INSL6: variants seen among roughly 807,000 people sequenced by gnomAD.
INSL6 encodes the protein insulin like 6.
In INSL6, 16 loss-of-function variants were observed where a neutral mutation model predicts 9.4. That is an observed-to-expected ratio of 1.70 (90% CI 1.15 to 2.59). INSL6 has a LOEUF of 2.59. Ranked by LOEUF, INSL6 falls within the 30% of genes most tolerant of loss-of-function variation. The pLI is 0.00. For synonymous variants in INSL6, 154 were observed against 96.9 expected, an observed-to-expected ratio of 1.59 and a Z score of -3.46; for missense variants, 391 against 257.3, an observed-to-expected ratio of 1.52 and a Z score of -3.56.
At chr9:5,175,181 C>T (rs1212274944) in intron 1 of INSL6, among the ~76,000 whole-genome samples, 1 of 152,080 alleles carries the variant, frequency 6.6e-6, no homozygotes, top group Non-Finnish European at 1.5e-5. Flanking sequence ...ACCTCATGAT[C>T]CACCTGCCTC....
chr9:5,117,669 AAATT>A, the INSL6 span, among the ~76,000 whole-genome samples: 14 of 139,478 alleles, frequency 1.0e-4, no homozygotes, highest in South Asian at 1.1e-3. Context: ...TATCTTAAAT[AAATT>A]AATAAATATT....
In INSL6 at chr9:5,164,992, G is replaced by A. The variant is rs370980912; in HGVS notation, c.290-727C>T. Among the ~76,000 whole-genome samples the A allele has an allele frequency of 4.1e-3, 618 of 152,314 alleles. 3 individuals carry two copies. Among genetic ancestry groups the A allele is most frequent in the African/African-American group, 0.014 (593 of 41,574 alleles). On this transcript the variant is annotated intron_variant, in intron 1 of 1. Coordinates refer to ENST00000381641, the MANE Select transcript of INSL6 (RefSeq NM_007179.3). ...GGAGGCCGAGGCGGGCGGATCACTT[G>A]AGGTCAGGAGTTCAATACCAGCTTC...
chr9:5,166,702 T>C (rs937622163), intron 1 of INSL6, among the ~76,000 whole-genome samples: 4 of 152,104 alleles, frequency 2.6e-5, no homozygotes, highest in Non-Finnish European at 4.4e-5. Flanking sequence ...AACACAGATA[T>C]GGGTGGTTCC....
intron 2 of INSL6, among the ~76,000 whole-genome samples, chr9:5,151,420 T>C (rs1190196579): frequency 6.6e-6 from 1 of 151,966 alleles, no homozygotes; most frequent in Non-Finnish European, 1.5e-5. Flanking sequence ...AGACAATTGA[T>C]TAAAACAAAG....
downstream of INSL6, among the ~76,000 whole-genome samples, chr9:5,122,150 A>G (rs554203438): frequency 6.6e-6 from 1 of 152,228 alleles, no homozygotes; most frequent in Admixed American, 6.5e-5. Flanking sequence ...TGGGATTTTG[A>G]AGGAGAGATT....
chr9:5,116,972 T>A, the INSL6 span, among the ~76,000 whole-genome samples: 1 of 152,194 alleles, frequency 6.6e-6, no homozygotes, highest in Non-Finnish European at 1.5e-5. Flanking sequence ...ATTTCAACGA[T>A]TGGTTGAATT....
At chr9:5,089,537 CAAAAAAAA>C in the INSL6 span, 1,302 of 87,028 alleles carry the variant, frequency 0.015, 16 homozygotes, top group Admixed American at 0.025. Context: ...GACTTCGTCT[CAAAAAAAA>C]AAAAAAAAAA....
chr9:5,015,840 T>G, the INSL6 span, among the ~76,000 whole-genome samples: 3 of 152,220 alleles, frequency 2.0e-5, no homozygotes, highest in African/African-American at 7.2e-5. Context: ...GGCAGTGTGA[T>G]TTCCAGTTAC....
At chr9:5,076,660 A>G in the INSL6 span, among the ~76,000 whole-genome samples, 1 of 152,194 alleles carries the variant, frequency 6.6e-6, no homozygotes, top group African/African-American at 2.4e-5. Context: ...CAAACTGGTA[A>G]TATCTTCGAG....
chr9:5,034,280 A>C, the INSL6 span, among the ~76,000 whole-genome samples: 1 of 152,182 alleles, frequency 6.6e-6, no homozygotes, highest in African/African-American at 2.4e-5. Context: ...AGACTTCCAC[A>C]CAATAATAAT....
At chr9:5,038,574 C>G in the INSL6 span, among the ~76,000 whole-genome samples, 1 of 148,348 alleles carries the variant, frequency 6.7e-6, no homozygotes, top group African/African-American at 2.5e-5. Flanking sequence ...ATGCTTGGGA[C>G]CAGAAGTGTT....
At chr9:5,107,920 A>G in the INSL6 span, 1 of 152,188 alleles carries the variant, frequency 6.6e-6, no homozygotes, top group African/African-American at 2.4e-5. Context: ...ATCTAAATTT[A>G]CTTCAGTGCT....
chr9:5,031,476 G>A, the INSL6 span, among the ~76,000 whole-genome samples: 1 of 152,158 alleles, frequency 6.6e-6, no homozygotes, highest in Non-Finnish European at 1.5e-5. Flanking sequence ...GGAAGGGAGA[G>A]ATTAGTCAAC....
At chr9:5,089,242 T>C in the INSL6 span, among the ~76,000 whole-genome samples, 1 of 152,122 alleles carries the variant, frequency 6.6e-6, no homozygotes, top group African/African-American at 2.4e-5. Context: ...TAATATAAGC[T>C]TAAAGATAGT....
At chr9:5,002,231 T>C in the INSL6 span, among the ~76,000 whole-genome samples, 1 of 151,924 alleles carries the variant, frequency 6.6e-6, no homozygotes, top group African/African-American at 2.4e-5. Flanking sequence ...CCTAGGAAGC[T>C]TACATAATTA....
Position 5,163,999 on chromosome 9 carries a change from CT to C in INSL6, c.555del (p.Glu186LysfsTer16). The C allele has an allele frequency of 1.2e-6, 2 of 1,613,154 alleles. No individual in the cohort carries two copies. The highest frequency in any genetic ancestry group is 1.7e-6 in the Non-Finnish European group (2 of 1,179,784). Reference sequence around the variant, plus strand: ...GGAAGACATGCAATGCTAAGTTCTTCTTTTGTACATCCTGTAAGACAACACT... The same window carrying C: ...GGAAGACATGCAATGCTAAGTTCTTCTTTGTACATCCTGTAAGACAACACT... ...SEKCCLTGCT[K>X]EELSIACLPY... On this transcript the variant is annotated frameshift_variant, in exon 2 of 2. Coordinates refer to ENST00000381641, the MANE Select transcript of INSL6 (RefSeq NM_007179.3). LOFTEE classifies it low-confidence loss of function (END_TRUNC).
At chr9:5,114,196 A>C in the INSL6 span, 2 of 475,804 alleles carry the variant, frequency 4.2e-6, no homozygotes, top group Non-Finnish European at 4.1e-6. Context: ...GTGAGCACCT[A>C]CCTGAGCCGG....
the INSL6 span, among the ~76,000 whole-genome samples, chr9:5,062,298 G>A: frequency 9.9e-5 from 15 of 151,804 alleles, no homozygotes; most frequent in Non-Finnish European, 2.1e-4. Flanking sequence ...AATCCCCCTT[G>A]TATTCTGAGG....
At chr9:4,998,545 A>T in the INSL6 span, among the ~76,000 whole-genome samples, 2 of 151,896 alleles carry the variant, frequency 1.3e-5, no homozygotes, top group Non-Finnish European at 2.9e-5. Context: ...ATGAGCCACC[A>T]TGCCCGGCCA....
Sources: gnomAD v4.1 joint callset for allele counts (sites outside exome capture counted in the v4.1 genomes callset) on GRCh38, gnomAD v4.1.1 for gene constraint, MANE v1.5 for transcripts, NCBI Gene and HGNC (gene_info 2026-07-23, HGNC 2026-07-21) for gene names.